Variants in VANGL1 observed in about 807,000 individuals in gnomAD.
The protein encoded by VANGL1 is vang-like protein 1.
A neutral mutation model predicts 48.4 loss-of-function variants in VANGL1; 18 were observed. The observed-to-expected ratio is 0.37, with a 90% confidence interval of 0.26 to 0.55. The LOEUF (loss-of-function observed/expected upper bound fraction) is 0.55. Ranked by LOEUF, VANGL1 falls within the 20% of genes least tolerant of loss-of-function variation. VANGL1 has a pLI of 0.81. For synonymous variants in VANGL1, 257 were observed against 261.8 expected (o/e 0.98, Z 0.18); for missense variants, 667 against 675.8 (o/e 0.99, Z 0.14).
Position 115,686,872 on chromosome 1 carries a change from T to TTACAGGAGCCTGAAG in VANGL1, c.1314+1345_1314+1346insTACAGGAGCCTGAAG, listed in dbSNP as rs1336703209. Reference sequence around the variant, plus strand: ...CTACACTTGTTTACTGTTGTATCAATGAGGATAATAATAATATCTCTCTGA... The same window carrying TTACAGGAGCCTGAAG: ...CTACACTTGTTTACTGTTGTATCAATTACAGGAGCCTGAAGGAGGATAATAATAATATCTCTCTGA... On this transcript the variant is annotated intron_variant, in intron 7 of 7. Transcript: ENST00000355485. Among the ~76,000 whole-genome samples, 63 of 84,872 alleles carry TTACAGGAGCCTGAAG rather than the reference T, an allele frequency of 7.4e-4. 1 individual carries two copies. Among genetic ancestry groups the TTACAGGAGCCTGAAG allele is most frequent in the South Asian group, 1.6e-3 (4 of 2,440 alleles). The allele number at this position is 84,872 out of a possible 152,430, so 55.7% of individuals were successfully genotyped here.
At position 115,661,045 on chromosome 1, in the gene VANGL1, G is replaced by A. The variant is rs80266313; in HGVS notation, c.204+1272G>A. 3.1e-3 allele frequency among the ~76,000 whole-genome samples: 473 copies of A among 152,266 alleles called. 5 individuals carry two copies. Among genetic ancestry groups the A allele is most frequent in the African/African-American group, 0.011 (440 of 41,546 alleles). Reference sequence around the variant, plus strand: ...TTTCTCTGCATCTCCTCTGCACCTCGTAGCTGAGAACACTTTGAGAAGCTC... The same window carrying A: ...TTTCTCTGCATCTCCTCTGCACCTCATAGCTGAGAACACTTTGAGAAGCTC... On this transcript the variant is annotated intron_variant, in intron 3 of 7. Coordinates refer to ENST00000355485, the MANE Select transcript of VANGL1 (RefSeq NM_138959.3).
intron 4 of VANGL1, among the ~76,000 whole-genome samples, chr1:115,666,653 C>T (rs1036090583): frequency 3.9e-5 from 6 of 152,134 alleles, no homozygotes; most frequent in Admixed American, 6.5e-5. Flanking sequence ...CTGGGGAGAG[C>T]GTTTTGAGGT....
chr1:115,690,979 AGT>A lies in VANGL1; in HGVS notation c.1315-136_1315-135del, dbSNP rs576703747. 8.1e-5 allele frequency: 93 copies of A among 1,153,510 alleles called. 2 individuals are homozygous for A. In the African/African-American group the frequency reaches 1.3e-3, roughly 16 times the overall value. The allele number at this position is 1,153,510 out of a possible 1,614,324, so 71.5% of individuals were successfully genotyped here. On this transcript the variant is annotated intron_variant, in intron 7 of 7. Coordinates refer to ENST00000355485, the MANE Select transcript of VANGL1 (RefSeq NM_138959.3). ...AGTTGTGAGGGTCTGATGGGAATTGAGTGTGATGAGCTGGGCTCTGGTCTAAG... is the reference window on the plus strand; with the variant it reads ...AGTTGTGAGGGTCTGATGGGAATTGAGTGATGAGCTGGGCTCTGGTCTAAG...
chr1:115,656,786 C>T (rs552129008), intron 2 of VANGL1, among the ~76,000 whole-genome samples: 1 of 152,344 alleles, frequency 6.6e-6, no homozygotes, highest in African/African-American at 2.4e-5. Flanking sequence ...GGCTCCCCAC[C>T]TGCTTTCTGC....
Position 115,695,927 on chromosome 1 carries a change from T to G in VANGL1, c.*4548T>G, listed in dbSNP as rs1654014259. ...ACTAGAACCTGGGGTGAGAGTTCAT[T>G]GGGAGGCAGGATCTCTTCTTTCACT... On this transcript the variant is annotated 3_prime_UTR_variant, in exon 8 of 8. Coordinates refer to ENST00000355485, the MANE Select transcript of VANGL1 (RefSeq NM_138959.3). 2 of 152,196 alleles carry G rather than the reference T, an allele frequency of 1.3e-5. No individual in the cohort carries two copies. Among genetic ancestry groups the G allele is most frequent in the Non-Finnish European group, 2.9e-5 (2 of 68,042 alleles). 9.4% of individuals were successfully genotyped at this position (152,196 alleles called of 1,614,324 possible).
intron 2 of VANGL1, among the ~76,000 whole-genome samples, chr1:115,653,955 GC>G (rs1652247175): frequency 6.6e-6 from 1 of 152,136 alleles, no homozygotes; most frequent in Admixed American, 6.5e-5. Context: ...ACTGACTGCA[GC>G]ATAGGGCACA....
At chr1:115,656,154 G>T (rs1013906061) in intron 2 of VANGL1, among the ~76,000 whole-genome samples, 1 of 152,178 alleles carries the variant, frequency 6.6e-6, no homozygotes, top group Non-Finnish European at 1.5e-5. Flanking sequence ...AAGGTTCTTG[G>T]CTCGGTATCC....
rs1653199251 is a variant in VANGL1, at chr1:115,677,166, C to G, written c.813-5198C>G. Among the ~76,000 whole-genome samples the G allele has an allele frequency of 2.0e-5, 3 of 152,216 alleles. 1 individual carries two copies. The highest frequency in any genetic ancestry group is 6.3e-3 in the Middle Eastern group (2 of 316). ...TTGTATTTTTTTCTTCAGAATTTATCTTTAAAAAATATGTCTTTCAGATTT... is the reference window on the plus strand; with the variant it reads ...TTGTATTTTTTTCTTCAGAATTTATGTTTAAAAAATATGTCTTTCAGATTT... On this transcript the variant is annotated intron_variant, in intron 4 of 7. Transcript: ENST00000355485.
chr1:115,688,029 C>CATAG (rs150000990), intron 7 of VANGL1, among the ~76,000 whole-genome samples: 1 of 135,070 alleles, frequency 7.4e-6, no homozygotes, highest in East Asian at 2.0e-4. Flanking sequence ...TAGATATATA[C>CATAG]ATAGATAGAT....
At chr1:115,665,750 A>C (rs1349870860) in intron 4 of VANGL1, among the ~76,000 whole-genome samples, 2 of 152,238 alleles carry the variant, frequency 1.3e-5, no homozygotes, top group Non-Finnish European at 2.9e-5. Flanking sequence ...GAAGACAAGT[A>C]GGTCACCGCT....
At chr1:115,672,623 A>C (rs1459116787) in intron 4 of VANGL1, among the ~76,000 whole-genome samples, 1 of 152,224 alleles carries the variant, frequency 6.6e-6, no homozygotes, top group East Asian at 1.9e-4. Flanking sequence ...CCTGTCAGTA[A>C]ACATGAGCTA....
intron 3 of VANGL1, 97 bp from the exon 4 acceptor site, chr1:115,663,564 G>A: frequency 6.5e-7 from 1 of 1,549,382 alleles, no homozygotes; most frequent in South Asian, 1.1e-5. Context: ...TTGTGAATAG[G>A]GCTGGGTAGA....
At chr1:115,682,546 GT>G in intron 5 of VANGL1, 49 bp downstream of exon 5, 1 of 1,613,800 alleles carries the variant, frequency 6.2e-7, no homozygotes, top group Admixed American at 1.7e-5. Context: ...GCACAGTTGG[GT>G]GACTATTTAA....
At position 115,691,452 on chromosome 1, in the gene VANGL1, G is replaced by T. The variant is rs1035517369; in HGVS notation, c.*73G>T. ...AGAGATATATATCTATGCCAGAGGG[G>T]TGTCTTTTTTAAAAATTCTTCTTCA... On this transcript the variant is annotated 3_prime_UTR_variant, in exon 8 of 8. Coordinates refer to ENST00000355485, the MANE Select transcript of VANGL1 (RefSeq NM_138959.3). The T allele has an allele frequency of 1.0e-5, 15 of 1,488,546 alleles. No individual in the cohort carries two copies. In the African/African-American group the frequency reaches 1.7e-4, roughly 17 times the overall value. 92.2% of individuals were successfully genotyped at this position (1,488,546 alleles called of 1,614,324 possible).
chr1:115,686,974 G>T (rs1653660603), intron 7 of VANGL1, among the ~76,000 whole-genome samples: 1 of 137,258 alleles, frequency 7.3e-6, no homozygotes, highest in Non-Finnish European at 1.6e-5. Flanking sequence ...AGATGAGCTT[G>T]GCATGTGGTA....
At chr1:115,673,596 T>G (rs1653061362) in intron 4 of VANGL1, among the ~76,000 whole-genome samples, 1 of 117,210 alleles carries the variant, frequency 8.5e-6, no homozygotes, top group African/African-American at 3.8e-5. Context: ...TATGTCCTCT[T>G]TTTTTTTTTT....
rs1330456613 is a variant in VANGL1 at position 115,698,174 on chromosome 1, A to G, written c.*6795A>G. The stretch of plus-strand genomic sequence containing the variant: ...CAATTAACTGTAAAATGTTTTACAC[A>G]TCACATTTTTTATACTGTAAACTTG... On this transcript the variant is annotated 3_prime_UTR_variant, in exon 8 of 8. Coordinates refer to ENST00000355485, the MANE Select transcript of VANGL1 (RefSeq NM_138959.3). 1 of 152,228 alleles carries G rather than the reference A, an allele frequency of 6.6e-6. No individual in the cohort carries two copies. Among genetic ancestry groups the G allele is most frequent in the Non-Finnish European group, 1.5e-5 (1 of 68,042 alleles). 9.4% of individuals were successfully genotyped at this position (152,228 alleles called of 1,614,324 possible).
At chr1:115,646,669 C>T (rs1345278461) in intron 1 of VANGL1, among the ~76,000 whole-genome samples, 1 of 152,046 alleles carries the variant, frequency 6.6e-6, no homozygotes, top group East Asian at 1.9e-4. Context: ...ATTCAGCAGA[C>T]ATTTATAGGG....
At chr1:115,650,858 A>G (rs1453133772) in intron 1 of VANGL1, among the ~76,000 whole-genome samples, 1 of 149,056 alleles carries the variant, frequency 6.7e-6, no homozygotes, top group Admixed American at 6.7e-5. Context: ...TTTTTAATTG[A>G]CTTTTGGAAA....
Sources: allele counts gnomAD v4.1 joint callset (sites outside exome capture counted in the v4.1 genomes callset), GRCh38; gene constraint gnomAD v4.1.1; transcripts MANE v1.5; gene names NCBI Gene and HGNC (gene_info 2026-07-23, HGNC 2026-07-21).